UHRF2: variants seen among roughly 807,000 people sequenced by gnomAD.
UHRF2 encodes the protein ubiquitin like with PHD and ring finger domains 2, also known as E3 ubiquitin-protein ligase UHRF2.
In UHRF2, 23 loss-of-function variants were observed where a neutral mutation model predicts 96.8. The ratio of observed to expected loss-of-function variants is 0.24; its 90% confidence interval spans 0.17 to 0.34. UHRF2 has a LOEUF of 0.34. Ranked by LOEUF, UHRF2 falls within the 10% of genes least tolerant of loss-of-function variation. The pLI, the probability that UHRF2 is intolerant of heterozygous loss-of-function variation, is 1.00. For synonymous variants in UHRF2, 385 were observed against 332.6 expected (o/e 1.16, Z -1.72); for missense variants, 685 against 981.5 (o/e 0.70, Z 4.04).
chr9:6,449,474 T>G (rs1229565937), intron 3 of UHRF2: 1 of 152,198 alleles, frequency 6.6e-6, no homozygotes, highest in African/African-American at 2.4e-5. Context: ...TTCCCTGTCT[T>G]TCATAGGTGT....
intron 10 of UHRF2, chr9:6,494,498 T>G (rs187081585): frequency 1.3e-5 from 2 of 152,340 alleles, no homozygotes; most frequent in African/African-American, 4.8e-5. Flanking sequence ...AGAGCCACCG[T>G]GTGCTGATCT....
chr9:6,424,959 C>G (rs1820160647), intron 2 of UHRF2, among the ~76,000 whole-genome samples: 1 of 152,172 alleles, frequency 6.6e-6, no homozygotes, highest in African/African-American at 2.4e-5. Context: ...ATTCTATTTG[C>G]TAAGTATAAC....
chr9:6,475,345 T>G (rs764017880), intron 4 of UHRF2, 46 bp from the exon 5 acceptor site: 1 of 1,240,826 alleles, frequency 8.1e-7, no homozygotes, highest in African/African-American at 1.5e-5. Context: ...TGTATATACC[T>G]TAGATTTTGC....
intron 3 of UHRF2, among the ~76,000 whole-genome samples, chr9:6,440,843 C>T (rs1821119692): frequency 6.6e-6 from 1 of 152,194 alleles, no homozygotes; most frequent in African/African-American, 2.4e-5. Context: ...TGAGACCTCT[C>T]CGCATAGAAT....
chr9:6,461,266 C>T (rs1319345396), intron 4 of UHRF2, among the ~76,000 whole-genome samples: 1 of 152,008 alleles, frequency 6.6e-6, no homozygotes, highest in African/African-American at 2.4e-5. Context: ...TGCAAAATGT[C>T]ACCTGAATCA....
chr9:6,505,507 G>C (rs922101903), intron 15 of UHRF2, among the ~76,000 whole-genome samples: 3 of 152,170 alleles, frequency 2.0e-5, no homozygotes, highest in African/African-American at 7.2e-5. Context: ...ATGTTGGCCA[G>C]GTTAGTCTTG....
At chr9:6,497,153 T>A (rs745571210) in intron 10 of UHRF2, 45 bp from the exon 11 acceptor site, 9 of 1,582,746 alleles carry the variant, frequency 5.7e-6, no homozygotes, top group Non-Finnish European at 7.7e-6. Context: ...ATTGTGTACT[T>A]GAAGAAAAAT....
At chr9:6,419,054 A>AT (rs1394703028) in intron 1 of UHRF2, among the ~76,000 whole-genome samples, 1 of 152,086 alleles carries the variant, frequency 6.6e-6, no homozygotes, top group Non-Finnish European at 1.5e-5. Context: ...GACACTAGCC[A>AT]TATTGGATTA....
chr9:6,441,719 AGGT>A (rs1821175751), intron 3 of UHRF2, among the ~76,000 whole-genome samples: 1 of 151,774 alleles, frequency 6.6e-6, no homozygotes, highest in African/African-American at 2.4e-5. Context: ...TAGTATGTCT[AGGT>A]GGTTTGTGGC....
At chr9:6,504,747 T>TA in intron 15 of UHRF2, 56 bp downstream of exon 15, 1 of 1,384,114 alleles carries the variant, frequency 7.2e-7, no homozygotes. Context: ...CACTAATTTC[T>TA]ATACCTGTTT....
At position 6,420,254 on chromosome 9, in the gene UHRF2, A is replaced by G. The variant is rs576627401; in HGVS notation, c.154-658A>G. 2.4e-4 allele frequency among the ~76,000 whole-genome samples: 37 copies of G among 151,192 alleles called. No individual in the cohort carries two copies. In the South Asian group the frequency reaches 6.6e-3, roughly 27 times the overall value. ...GTATTTCTAGTAGAGACGGGGTTTC[A>G]CCATGTTGGTCAGCCTGGTCTCAAA... On this transcript the variant is annotated intron_variant, in intron 1 of 15. Transcript: ENST00000276893.
At chr9:6,417,182 T>G (rs970952519) in intron 1 of UHRF2, among the ~76,000 whole-genome samples, 1 of 152,164 alleles carries the variant, frequency 6.6e-6, no homozygotes, top group African/African-American at 2.4e-5. Context: ...CACTTGGCAT[T>G]TGCTTTCTAG....
In UHRF2 at chr9:6,475,507, A is replaced by AT; in HGVS notation, c.973+12dup. 1 of 1,571,760 alleles carries AT rather than the reference A, an allele frequency of 6.4e-7. No individual in the cohort carries two copies. On this transcript the variant is annotated splice_region_variant and intron_variant, in intron 5 of 15. Transcript: ENST00000276893. ...GCAGATGGAAAGTTTTTAAGTATGG[A>AT]TTTTTGTTTTTGGTCTTAGACTACA...
At chr9:6,500,006 C>A in intron 13 of UHRF2, 75 bp downstream of exon 13, 1 of 1,190,602 alleles carries the variant, frequency 8.4e-7, no homozygotes, top group Non-Finnish European at 1.2e-6. Context: ...GGGTCTCACT[C>A]TTGTCACCCA....
chr9:6,442,352 A>G (rs929126194), intron 3 of UHRF2, among the ~76,000 whole-genome samples: 3 of 152,228 alleles, frequency 2.0e-5, no homozygotes, highest in African/African-American at 7.2e-5. Flanking sequence ...TTTCCTTGAA[A>G]TGTTTCCAGT....
intron 3 of UHRF2, among the ~76,000 whole-genome samples, chr9:6,438,109 CT>C: frequency 6.6e-6 from 1 of 152,162 alleles, no homozygotes; most frequent in East Asian, 1.9e-4. Flanking sequence ...AAATACTTAG[CT>C]TGAAAGACCT....
At chr9:6,475,179 A>AT (rs1472988877) in intron 4 of UHRF2, among the ~76,000 whole-genome samples, 4 of 151,962 alleles carry the variant, frequency 2.6e-5, no homozygotes, top group African/African-American at 4.8e-5. Flanking sequence ...TGAAGTCTGT[A>AT]TTTTTTTTCT....
intron 1 of UHRF2, among the ~76,000 whole-genome samples, chr9:6,418,884 C>T (rs961090198): frequency 6.6e-5 from 10 of 152,130 alleles, no homozygotes; most frequent in African/African-American, 2.4e-4. Flanking sequence ...TCAGCAGGGC[C>T]GTCCTCTGAT....
At chr9:6,465,468 C>A (rs973663990) in intron 4 of UHRF2, among the ~76,000 whole-genome samples, 1 of 152,024 alleles carries the variant, frequency 6.6e-6, no homozygotes, top group Non-Finnish European at 1.5e-5. Flanking sequence ...ATGGTCAGTT[C>A]GGTTTCTGTA....
Sources: allele counts gnomAD v4.1 joint callset (sites outside exome capture counted in the v4.1 genomes callset), GRCh38; gene constraint gnomAD v4.1.1; transcripts MANE v1.5; gene names NCBI Gene and HGNC (gene_info 2026-07-23, HGNC 2026-07-21).